ROCK1: variants seen among roughly 807,000 people sequenced by gnomAD.
The protein encoded by ROCK1 is rho-associated protein kinase 1.
ROCK1 carries 36 observed loss-of-function variants against 196.8 expected under a neutral mutation model. The observed-to-expected ratio is 0.18, with a 90% CI of 0.14 to 0.24. The LOEUF is 0.24. ROCK1 is among the 10% of genes least tolerant of loss of function. ROCK1 has a pLI of 1.00. For missense variants in ROCK1, 920 were observed against 1,562.0 expected (o/e 0.59, Z 6.93); for synonymous variants, 443 against 515.9 (o/e 0.86, Z 1.91).
chr18:21,041,784 A>C (rs1052124711), intron 8 of ROCK1, among the ~76,000 whole-genome samples: 2 of 152,092 alleles, frequency 1.3e-5, no homozygotes, highest in Non-Finnish European at 2.9e-5. Flanking sequence ...ATGTTATGTT[A>C]AAAAATTTTT....
At chr18:21,093,871 G>A (rs551417781) in intron 1 of ROCK1, among the ~76,000 whole-genome samples, 15 of 151,784 alleles carry the variant, frequency 9.9e-5, no homozygotes, top group South Asian at 6.2e-4. Context: ...CAGGAGGATC[G>A]CTTGAACCTG....
At chr18:20,966,208 A>C (rs904973849) in intron 27 of ROCK1, among the ~76,000 whole-genome samples, 1 of 152,182 alleles carries the variant, frequency 6.6e-6, no homozygotes, top group African/African-American at 2.4e-5. Flanking sequence ...TCTAAATTGA[A>C]CTTATAGTAT....
At chr18:21,037,119 T>C (rs2143494940) in intron 9 of ROCK1, among the ~76,000 whole-genome samples, 1 of 152,292 alleles carries the variant, frequency 6.6e-6, no homozygotes, top group East Asian at 1.9e-4. Flanking sequence ...TTTAGGTCTT[T>C]TCATTTCTTT....
chr18:21,108,562 C>T (rs1358773410), intron 1 of ROCK1, among the ~76,000 whole-genome samples: 1 of 152,152 alleles, frequency 6.6e-6, no homozygotes, highest in Admixed American at 6.5e-5. Context: ...CCAAACCTGA[C>T]TTTGCTATTT....
chr18:20,970,517 C>A lies in ROCK1; in HGVS notation c.2655-4G>T. The stretch of plus-strand genomic sequence containing the variant: ...CAACTGAGTAGCAAGAGTTTCTCTG[C>A]AACAATTTTTTAAGAGAAACTGATG... On this transcript the variant is annotated splice_region_variant and splice_polypyrimidine_tract_variant and intron_variant, in intron 22 of 32. Transcript: ENST00000399799. The A allele has an allele frequency of 6.3e-7, 1 of 1,584,418 alleles. No homozygotes were observed. The highest frequency in any genetic ancestry group is 8.6e-7 in the Non-Finnish European group (1 of 1,161,108).
intron 9 of ROCK1, among the ~76,000 whole-genome samples, chr18:21,032,285 A>G (rs991567562): frequency 3.3e-5 from 5 of 152,212 alleles, no homozygotes; most frequent in Middle Eastern, 3.2e-3. Flanking sequence ...AAGCTACTCA[A>G]AGTAAACTGG....
chr18:20,977,792 TCA>T (rs2035494120), intron 22 of ROCK1, among the ~76,000 whole-genome samples: 1 of 152,184 alleles, frequency 6.6e-6, no homozygotes, highest in Non-Finnish European at 1.5e-5. Context: ...ACTGTCCCCT[TCA>T]CAGTGAATGC....
intron 18 of ROCK1, 152 bp from the exon 19 acceptor site, chr18:20,987,262 T>TA (rs2035586251): frequency 1.5e-6 from 1 of 653,884 alleles, no homozygotes; most frequent in Non-Finnish European, 2.5e-6. Context: ...TCTCACATTA[T>TA]GTAAACTATT....
chr18:21,036,173 G>A (rs1181845200), intron 9 of ROCK1, among the ~76,000 whole-genome samples: 1 of 152,198 alleles, frequency 6.6e-6, no homozygotes, highest in Non-Finnish European at 1.5e-5. Flanking sequence ...TAGGCCTTCA[G>A]TTCTTTATTC....
chr18:21,045,663 T>C (rs1598541954), intron 4 of ROCK1, among the ~76,000 whole-genome samples, 196 bp from the exon 5 acceptor site: 1 of 152,208 alleles, frequency 6.6e-6, no homozygotes, highest in African/African-American at 2.4e-5. Context: ...TATAACATAA[T>C]TATTCAGAAG....
At chr18:21,063,316 T>C (rs1436607454) in intron 2 of ROCK1, among the ~76,000 whole-genome samples, 2 of 152,050 alleles carry the variant, frequency 1.3e-5, no homozygotes, top group African/African-American at 2.4e-5. Flanking sequence ...CTGTGATAAG[T>C]ATACAAGATG....
At chr18:20,981,898 G>C (rs1243899536) in intron 21 of ROCK1, among the ~76,000 whole-genome samples, 3 of 152,078 alleles carry the variant, frequency 2.0e-5, no homozygotes, top group African/African-American at 4.8e-5. Flanking sequence ...GGGATAAAAA[G>C]AAAAATAATC....
In ROCK1 at chr18:21,094,742, C is replaced by T. The variant is rs565010265; in HGVS notation, c.93+16076G>A. Among the ~76,000 whole-genome samples, 9 of 54,984 alleles carry T rather than the reference C, an allele frequency of 1.6e-4. No individual in the cohort carries two copies. The South Asian group carries it at 0.01, about 62-fold the overall frequency. 36.1% of individuals were successfully genotyped at this position (54,984 alleles called of 152,430 possible). On this transcript the variant is annotated intron_variant, in intron 1 of 32. Transcript: ENST00000399799. Reference sequence around the variant, plus strand: ...CCAGCCTGGGCAACAAAATGAGATCCTGTCTCAAAAAAAAAAAAAGATGGC... The same window carrying T: ...CCAGCCTGGGCAACAAAATGAGATCTTGTCTCAAAAAAAAAAAAAGATGGC...
intron 16 of ROCK1, among the ~76,000 whole-genome samples, chr18:21,005,296 C>T (rs1282655963): frequency 6.6e-6 from 1 of 152,196 alleles, no homozygotes; most frequent in Non-Finnish European, 1.5e-5. Context: ...TTCAAACATT[C>T]CCAAGTATCT....
At chr18:21,086,430 A>C (rs1371630194) in intron 1 of ROCK1, among the ~76,000 whole-genome samples, 1 of 152,026 alleles carries the variant, frequency 6.6e-6, no homozygotes, top group African/African-American at 2.4e-5. Flanking sequence ...ATTTTTTAAA[A>C]CTCAGCTAAT....
At chr18:21,092,580 T>TAAAAAAA (rs35799573) in intron 1 of ROCK1, among the ~76,000 whole-genome samples, 2 of 81,106 alleles carry the variant, frequency 2.5e-5, no homozygotes, top group East Asian at 3.4e-4. Flanking sequence ...ACCTCATCTT[T>TAAAAAAA]AAAAAAAAAA....
At chr18:20,990,565 G>A (rs1360996637) in intron 18 of ROCK1, among the ~76,000 whole-genome samples, 5 of 150,736 alleles carry the variant, frequency 3.3e-5, no homozygotes, top group Non-Finnish European at 5.9e-5. Flanking sequence ...ATGGTGTCGG[G>A]TGCCTGTAAT....
rs114115432 is a variant in ROCK1, at chr18:20,976,087, A to C, written c.2654+3823T>G. 4.3e-3 allele frequency among the ~76,000 whole-genome samples: 649 copies of C among 152,136 alleles called. 3 individuals carry two copies. Among genetic ancestry groups the C allele is most frequent in the African/African-American group, 0.015 (604 of 41,494 alleles). ...CTTTCCTCAGCCTTTGTGTCTTCTG[A>C]TCCTACACTATGGATTACAATTTGC... On this transcript the variant is annotated intron_variant, in intron 22 of 32. Transcript: ENST00000399799.
intron 22 of ROCK1, among the ~76,000 whole-genome samples, chr18:20,971,717 TAAAG>T (rs1568371253): frequency 2.4e-5 from 3 of 123,572 alleles, no homozygotes; most frequent in South Asian, 2.6e-4. Context: ...AATAAATAAA[TAAAG>T]AGACACAGCA....
Sources: gnomAD v4.1 joint callset for allele counts (sites outside exome capture counted in the v4.1 genomes callset) on GRCh38, gnomAD v4.1.1 for gene constraint, MANE v1.5 for transcripts, NCBI Gene and HGNC (gene_info 2026-07-23, HGNC 2026-07-21) for gene names.